The following RGS6 variants were observed in gnomAD, a reference collection of about 807,000 sequenced individuals.
RGS6 encodes the protein regulator of G protein signaling 6.
In RGS6, 30 loss-of-function variants were observed where a neutral mutation model predicts 78.5. The observed-to-expected ratio is 0.38, with a 90% confidence interval of 0.29 to 0.52. The LOEUF (loss-of-function observed/expected upper bound fraction) is 0.52, where lower values mean the gene tolerates loss of function less well. Among genes scored for constraint, RGS6 ranks in the 20% least tolerant of loss-of-function variants. The pLI, the probability that RGS6 is intolerant of heterozygous loss-of-function variation, is 0.85. For synonymous variants in RGS6, 206 were observed against 206.0 expected (o/e 1.00, Z 0.00); for missense variants, 495 against 609.7 (o/e 0.81, Z 1.98).
the RGS6 span, among the ~76,000 whole-genome samples, chr14:71,915,211 C>T: frequency 2.6e-5 from 4 of 151,374 alleles, no homozygotes; most frequent in Admixed American, 6.6e-5. Flanking sequence ...GAGGCGAGAT[C>T]GTGCCGCTGC....
chr14:71,890,971 G>A, the RGS6 span, among the ~76,000 whole-genome samples: 412 of 152,258 alleles, frequency 2.7e-3, 2 homozygotes, highest in African/African-American at 9.3e-3. Flanking sequence ...TGAGAAAACA[G>A]ATTCTAGAGT....
At chr14:72,311,427 T>G (rs1159643758) in intron 2 of RGS6, among the ~76,000 whole-genome samples, 1 of 152,142 alleles carries the variant, frequency 6.6e-6, no homozygotes, top group Non-Finnish European at 1.5e-5. Flanking sequence ...ATTGTTAATG[T>G]TTAATGCACT....
chr14:72,350,930 T>C (rs75363399), intron 2 of RGS6, among the ~76,000 whole-genome samples: 1,552 of 152,300 alleles, frequency 0.01, 11 homozygotes, highest in South Asian at 0.021. Context: ...ATTTTAGCTA[T>C]TTATGATGAT....
intron 2 of RGS6, among the ~76,000 whole-genome samples, chr14:72,119,239 G>A (rs1463361809): frequency 5.9e-5 from 9 of 152,160 alleles, no homozygotes; most frequent in Non-Finnish European, 1.3e-4. Flanking sequence ...ATAGGAGTCG[G>A]GTAGAGCTTT....
At chr14:71,949,473 G>A (rs1365390993) in intron 1 of RGS6, among the ~76,000 whole-genome samples, 1 of 151,926 alleles carries the variant, frequency 6.6e-6, no homozygotes, top group African/African-American at 2.4e-5. Context: ...CTTTTGCAGT[G>A]CCTATTCAAG....
At chr14:72,555,619 T>C (rs373095993) in intron 17 of RGS6, among the ~76,000 whole-genome samples, 8 of 152,208 alleles carry the variant, frequency 5.3e-5, no homozygotes, top group South Asian at 2.1e-4. Context: ...GTGACAGCCA[T>C]GTGCAAAGTA....
intron 2 of RGS6, among the ~76,000 whole-genome samples, chr14:71,977,294 T>C (rs1413867899): frequency 4.6e-5 from 3 of 65,926 alleles, no homozygotes; most frequent in South Asian, 6.3e-4. Context: ...ATTTTGGCTT[T>C]TGTTGCCATT....
the RGS6 span, among the ~76,000 whole-genome samples, chr14:72,588,579 C>G: frequency 3.9e-5 from 6 of 152,308 alleles, no homozygotes; most frequent in East Asian, 1.2e-3. Flanking sequence ...CACCCCTTCC[C>G]CCTTCTGAGT....
chr14:72,546,533 C>G (rs566595227), intron 17 of RGS6, among the ~76,000 whole-genome samples: 6 of 152,144 alleles, frequency 3.9e-5, no homozygotes, highest in African/African-American at 7.2e-5. Context: ...TCAACCTGTC[C>G]GCCAAAAGCA....
intron 3 of RGS6, among the ~76,000 whole-genome samples, chr14:72,363,357 A>G (rs1299825114): frequency 6.6e-6 from 1 of 152,276 alleles, no homozygotes; most frequent in East Asian, 1.9e-4. Flanking sequence ...CAACCACAGC[A>G]TCAACTGAAA....
chr14:72,161,473 G>T (rs1327638332), intron 2 of RGS6, among the ~76,000 whole-genome samples: 1 of 152,170 alleles, frequency 6.6e-6, no homozygotes, highest in African/African-American at 2.4e-5. Flanking sequence ...TCACAATGGG[G>T]TGTGGAAGAA....
At chr14:72,417,840 G>C (rs57988228) in intron 3 of RGS6, among the ~76,000 whole-genome samples, 25,141 of 152,118 alleles carry the variant, frequency 0.17, 3,049 homozygotes, top group African/African-American at 0.33. Flanking sequence ...TGGTCCCCAG[G>C]TTCCATATCT....
At chr14:72,298,871 A>G (rs1157772971) in intron 2 of RGS6, among the ~76,000 whole-genome samples, 1 of 152,098 alleles carries the variant, frequency 6.6e-6, no homozygotes, top group Non-Finnish European at 1.5e-5. Context: ...TCTTTCTCAA[A>G]CATTTAGTAG....
At chr14:71,958,456 T>C (rs1447492319) in intron 1 of RGS6, among the ~76,000 whole-genome samples, 1 of 152,240 alleles carries the variant, frequency 6.6e-6, no homozygotes, top group Non-Finnish European at 1.5e-5. Flanking sequence ...CAGGCCGGGC[T>C]GAGAACCACT....
chr14:72,340,235 G>T (rs1227847594), intron 2 of RGS6, among the ~76,000 whole-genome samples: 1 of 152,130 alleles, frequency 6.6e-6, no homozygotes, highest in African/African-American at 2.4e-5. Flanking sequence ...CTCCCCAGCT[G>T]GTGGCTCTCA....
chr14:72,577,127 A>G, the RGS6 span, among the ~76,000 whole-genome samples: 7 of 152,224 alleles, frequency 4.6e-5, no homozygotes, highest in Non-Finnish European at 7.3e-5. Flanking sequence ...ACAGGCAGGT[A>G]TATTATTTGC....
At chr14:72,036,096 A>T (rs72737807) in intron 2 of RGS6, among the ~76,000 whole-genome samples, 12,302 of 152,050 alleles carry the variant, frequency 0.081, 544 homozygotes, top group East Asian at 0.17. Context: ...TGTCTTTTCC[A>T]CAAGGTCACA....
chr14:72,395,282 C>T (rs981726115), intron 3 of RGS6, among the ~76,000 whole-genome samples: 2 of 151,998 alleles, frequency 1.3e-5, no homozygotes, highest in African/African-American at 4.8e-5. Context: ...ATTAAGTGGA[C>T]TTCATTTCAT....
the RGS6 span, among the ~76,000 whole-genome samples, chr14:71,889,433 C>T: frequency 6.6e-6 from 1 of 151,408 alleles, no homozygotes; most frequent in Non-Finnish European, 1.5e-5. Flanking sequence ...GATTTTTTTC[C>T]CTAAATGCAA....
Sources: allele counts gnomAD v4.1 joint callset (sites outside exome capture counted in the v4.1 genomes callset), GRCh38; gene constraint gnomAD v4.1.1; transcripts MANE v1.5; gene names NCBI Gene and HGNC (gene_info 2026-07-23, HGNC 2026-07-21).